Variants in PPFIBP2 observed in about 807,000 individuals in gnomAD.
PPFIBP2 encodes the protein liprin-beta-2.
PPFIBP2 carries 118 observed loss-of-function variants against 118.3 expected under a neutral mutation model. The observed-to-expected ratio is 1.00, with a 90% CI of 0.86 to 1.16. The LOEUF is 1.16. Among genes scored for constraint, PPFIBP2 ranks in the 50% most tolerant of loss-of-function variants. The pLI, the probability that PPFIBP2 is intolerant of heterozygous loss-of-function variation, is 0.00. For missense variants in PPFIBP2, 1,195 were observed against 1,073.1 expected, an observed-to-expected ratio of 1.11 and a Z score of -1.59; for synonymous variants, 414 against 397.4, an observed-to-expected ratio of 1.04 and a Z score of -0.50.
At chr11:7,609,349 A>G (rs545181228) in intron 5 of PPFIBP2, among the ~76,000 whole-genome samples, 139 of 152,258 alleles carry the variant, frequency 9.1e-4, no homozygotes, top group African/African-American at 2.9e-3. Flanking sequence ...TGCTGTGTCT[A>G]TTCTCCTTGC....
chr11:7,567,691 G>A (rs1855161539), intron 3 of PPFIBP2, among the ~76,000 whole-genome samples: 1 of 152,136 alleles, frequency 6.6e-6, no homozygotes, highest in Admixed American at 6.5e-5. Flanking sequence ...TCCACACAAG[G>A]TCTTAATCTG....
intron 17 of PPFIBP2, among the ~76,000 whole-genome samples, chr11:7,647,196 G>T (rs375365392): frequency 6.6e-6 from 1 of 152,102 alleles, no homozygotes; most frequent in East Asian, 1.9e-4. Context: ...TATGTTAGGG[G>T]TACTTTGAAG....
At chr11:7,605,034 A>G (rs1847167455) in intron 5 of PPFIBP2, among the ~76,000 whole-genome samples, 1 of 152,204 alleles carries the variant, frequency 6.6e-6, no homozygotes, top group Admixed American at 6.5e-5. Flanking sequence ...AAGGTCAGTC[A>G]GGGGCAATTC....
intron 2 of PPFIBP2, among the ~76,000 whole-genome samples, chr11:7,557,387 C>T (rs1278856006): frequency 6.6e-6 from 1 of 151,726 alleles, no homozygotes; most frequent in Non-Finnish European, 1.5e-5. Context: ...AATATTTACT[C>T]ATATTAGTGT....
chr11:7,555,256 A>G (rs1030434021), intron 2 of PPFIBP2, among the ~76,000 whole-genome samples: 2 of 152,148 alleles, frequency 1.3e-5, no homozygotes, highest in Non-Finnish European at 2.9e-5. Context: ...TCATGCAGTT[A>G]TGTACAAGCA....
At chr11:7,606,973 C>G (rs187660294) in intron 5 of PPFIBP2, among the ~76,000 whole-genome samples, 3 of 122,938 alleles carry the variant, frequency 2.4e-5, no homozygotes, top group Middle Eastern at 5.7e-3. Context: ...TGCAGTGGCA[C>G]GATCTCGGCT....
At chr11:7,661,654 T>G (rs1207813573), downstream of PPFIBP2, among the ~76,000 whole-genome samples, 1 of 98,936 alleles carries the variant, frequency 1.0e-5, no homozygotes, top group Non-Finnish European at 2.5e-5. Flanking sequence ...TCTGTAGATG[T>G]CTATTAGGTC....
At chr11:7,553,062 G>GT (rs143176190) in intron 2 of PPFIBP2, among the ~76,000 whole-genome samples, 44 of 150,888 alleles carry the variant, frequency 2.9e-4, no homozygotes, top group East Asian at 1.2e-3. Context: ...CATGCTAGAT[G>GT]TTTTTTTTTC....
chr11:7,631,939 G>A (rs759864286), intron 11 of PPFIBP2, among the ~76,000 whole-genome samples: 9 of 152,208 alleles, frequency 5.9e-5, no homozygotes, highest in Non-Finnish European at 7.4e-5. Context: ...TAATGCCAGC[G>A]TTGTTGTTAT....
At chr11:7,547,804 C>A (rs1441210762) in intron 1 of PPFIBP2, among the ~76,000 whole-genome samples, 3 of 152,140 alleles carry the variant, frequency 2.0e-5, no homozygotes, top group African/African-American at 4.8e-5. Flanking sequence ...AGGCTGAATG[C>A]CTGCTTCTGA....
intron 3 of PPFIBP2, among the ~76,000 whole-genome samples, chr11:7,568,213 AC>A (rs1313199594): frequency 6.6e-6 from 1 of 152,200 alleles, no homozygotes; most frequent in Non-Finnish European, 1.5e-5. Context: ...GTAAACAATA[AC>A]AAGATAGACC....
chr11:7,586,797 AGCT>A (rs1858293553), intron 3 of PPFIBP2, among the ~76,000 whole-genome samples: 1 of 152,182 alleles, frequency 6.6e-6, no homozygotes, highest in Non-Finnish European at 1.5e-5. Context: ...CTTGAAGTTC[AGCT>A]GGGCCAAATG....
chr11:7,641,912 A>C (rs1852252664), intron 16 of PPFIBP2: 1 of 456,750 alleles, frequency 2.2e-6, no homozygotes, highest in Admixed American at 3.8e-5. Flanking sequence ...GATCTGGCAC[A>C]GACACAGATG....
At chr11:7,625,416 C>T (rs891294228) in intron 7 of PPFIBP2, among the ~76,000 whole-genome samples, 1 of 152,200 alleles carries the variant, frequency 6.6e-6, no homozygotes, top group Non-Finnish European at 1.5e-5. Flanking sequence ...GAAGAAAGAC[C>T]ATGTCCAGAA....
chr11:7,560,534 T>G (rs1236924418), intron 2 of PPFIBP2, among the ~76,000 whole-genome samples: 2 of 152,372 alleles, frequency 1.3e-5, no homozygotes, highest in East Asian at 3.9e-4. Flanking sequence ...CAGAAGTTAT[T>G]TAAACATTCA....
chr11:7,635,838 G>T (rs1037761643), intron 14 of PPFIBP2, among the ~76,000 whole-genome samples: 2 of 152,180 alleles, frequency 1.3e-5, no homozygotes, highest in African/African-American at 4.8e-5. Context: ...TAGGCTCAGA[G>T]AAATTAATCT....
At chr11:7,626,021 G>GT in intron 8 of PPFIBP2, 130 bp downstream of exon 8, 1 of 765,482 alleles carries the variant, frequency 1.3e-6, no homozygotes, top group Non-Finnish European at 2.2e-6. Context: ...GGACATGCAT[G>GT]TATGTGTGCA....
intron 1 of PPFIBP2, among the ~76,000 whole-genome samples, chr11:7,544,610 T>G (rs1164735532): frequency 6.6e-6 from 1 of 151,700 alleles, no homozygotes; most frequent in East Asian, 1.9e-4. Context: ...CCATCTCTAC[T>G]AAAAATACAG....
chr11:7,530,284 C>G (rs914958813), intron 1 of PPFIBP2, among the ~76,000 whole-genome samples: 1 of 142,888 alleles, frequency 7.0e-6, no homozygotes, highest in South Asian at 2.3e-4. Flanking sequence ...AGGTTAATGT[C>G]CATATTACCC....
Sources: gnomAD v4.1 joint callset for allele counts (sites outside exome capture counted in the v4.1 genomes callset) on GRCh38, gnomAD v4.1.1 for gene constraint, MANE v1.5 for transcripts, NCBI Gene and HGNC (gene_info 2026-07-23, HGNC 2026-07-21) for gene names.